OTOGL: variants seen among roughly 807,000 people sequenced by gnomAD.
The protein encoded by OTOGL is otogelin like, also known as otogelin-like protein.
A neutral mutation model predicts 318.5 loss-of-function variants in OTOGL; 285 were observed. That is an observed-to-expected ratio of 0.89 (90% confidence interval 0.81 to 0.99). The LOEUF is 0.99. OTOGL is among the 50% of genes least tolerant of loss of function. OTOGL has a pLI of 0.00. For synonymous variants in OTOGL, 987 were observed against 936.5 expected (o/e 1.05, Z -0.99); for missense variants, 2,899 against 2,845.6 (o/e 1.02, Z -0.43).
At chr12:80,250,465 A>C (rs1403259258) in intron 11 of OTOGL, among the ~76,000 whole-genome samples, 1 of 152,044 alleles carries the variant, frequency 6.6e-6, no homozygotes, top group African/African-American at 2.4e-5. Context: ...TTTTAAAACC[A>C]CCGTTAATGT....
intron 57 of OTOGL, among the ~76,000 whole-genome samples, 153 bp downstream of exon 57, chr12:80,372,217 A>G (rs1225361911): frequency 1.3e-5 from 2 of 152,122 alleles, no homozygotes; most frequent in Non-Finnish European, 2.9e-5. Flanking sequence ...TTTGTATCAT[A>G]TGGTTAATAA....
At chr12:80,105,309 G>T (rs1869392856) in intron 1 of OTOGL, among the ~76,000 whole-genome samples, 2 of 152,132 alleles carry the variant, frequency 1.3e-5, no homozygotes, top group African/African-American at 4.8e-5. Context: ...ATTATAAAAT[G>T]GTATGGGTAG....
rs188108260 is a variant in OTOGL, at chr12:80,312,182, A to G, written c.3451-1294A>G. 5.5e-3 allele frequency among the ~76,000 whole-genome samples: 830 copies of G among 152,190 alleles called. 15 individuals are homozygous for G. The highest frequency in any genetic ancestry group is 4.8e-3 in the Non-Finnish European group (324 of 68,006). ...AATTACCTGAAAAAGATATTAAAGT[A>G]CTCCTTCCTTTCCAACTAAATATAT... On this transcript the variant is annotated intron_variant, in intron 30 of 58. Transcript: ENST00000547103.
chr12:80,348,974 T>C (rs1262759330), intron 44 of OTOGL, among the ~76,000 whole-genome samples: 2 of 152,210 alleles, frequency 1.3e-5, no homozygotes, highest in African/African-American at 2.4e-5. Flanking sequence ...TTTATTCTTA[T>C]GCATAGTACA....
At position 80,336,498 on chromosome 12, in the gene OTOGL, A is replaced by C; in HGVS notation, c.4686A>C (p.Leu1562Phe). The C allele has an allele frequency of 6.2e-7, 1 of 1,608,778 alleles. No individual in the cohort carries two copies. The highest frequency in any genetic ancestry group is 8.5e-7 in the Non-Finnish European group (1 of 1,175,648). The change falls in exon 40 of 59, where the codon TTA (leucine) becomes TTC (phenylalanine). Residue 1562 changes from leucine (L) to phenylalanine (F), a missense_variant. Leu to Phe is a conservative substitution (Grantham distance 22, BLOSUM62 0). Around this residue, in one of 3 missense-constraint regions of OTOGL, gnomAD observed 2,607 missense variants for 2,524.9 expected, o/e 1.03. Coordinates refer to ENST00000547103, the MANE Select transcript of OTOGL (RefSeq NM_001378609.3). ...AALYSMASYI[L>F]VRIPGEIIVA... ...TATATAGCATGGCTTCTTATATCTT[A>C]GTAAGAATTCCTGGTGAAATTATAG...
intron 52 of OTOGL, among the ~76,000 whole-genome samples, chr12:80,359,994 T>G (rs1056428706): frequency 6.6e-6 from 1 of 152,222 alleles, no homozygotes; most frequent in South Asian, 2.1e-4. Flanking sequence ...TTGCTTTTTG[T>G]GTGTGTATGT....
At chr12:80,129,267 G>T (rs973132393) in intron 1 of OTOGL, among the ~76,000 whole-genome samples, 1 of 152,156 alleles carries the variant, frequency 6.6e-6, no homozygotes, top group Non-Finnish European at 1.5e-5. Context: ...ATTAAAAACC[G>T]TTTTCTCTGT....
chr12:80,270,247 A>C, intron 23 of OTOGL, 93 bp downstream of exon 23: 1 of 1,022,878 alleles, frequency 9.8e-7, no homozygotes, highest in Non-Finnish European at 1.5e-6. Context: ...CTTCTTCCCA[A>C]TGTGCATGGC....
intron 38 of OTOGL, among the ~76,000 whole-genome samples, chr12:80,335,432 A>T (rs996854043): frequency 6.6e-6 from 1 of 152,096 alleles, no homozygotes; most frequent in African/African-American, 2.4e-5. Context: ...AATTTTGAAA[A>T]ATCTACCACT....
At position 80,341,975 on chromosome 12, in the gene OTOGL, A is replaced by C. The variant is rs1331658737; in HGVS notation, c.5078A>C (p.Asp1693Ala). 1 of 1,607,490 alleles carries C rather than the reference A, an allele frequency of 6.2e-7. No individual in the cohort carries two copies. The highest frequency in any genetic ancestry group is 1.7e-5 in the Admixed American group (1 of 59,520). Residue 1693 changes from aspartate (D) to alanine (A), a missense_variant, in exon 44 of 59, where the codon GAT becomes GCT. Asp to Ala is a moderately radical substitution (Grantham distance 126, BLOSUM62 -2). Coordinates refer to ENST00000547103, the MANE Select transcript of OTOGL (RefSeq NM_001378609.3). ...CGICNEDPDD[D>A]LRMQNGTIIT... ...ATTTGCAATGAAGATCCGGATGATG[A>C]TCTAAGGATGCAAAATGGCACAATT... is the stretch of plus-strand genomic sequence containing the variant.
chr12:80,157,172 G>A (rs901543466), intron 1 of OTOGL, among the ~76,000 whole-genome samples: 9 of 151,960 alleles, frequency 5.9e-5, no homozygotes, highest in African/African-American at 1.7e-4. Flanking sequence ...GTTTTGATTT[G>A]CATTCCTCTG....
At chr12:80,218,898 G>C (rs554372276) in intron 5 of OTOGL, among the ~76,000 whole-genome samples, 1 of 148,206 alleles carries the variant, frequency 6.7e-6, no homozygotes, top group African/African-American at 2.5e-5. Flanking sequence ...GGATTCAAGC[G>C]ATTCTCCTGC....
intron 29 of OTOGL, among the ~76,000 whole-genome samples, chr12:80,308,040 CG>C (rs1202830042): frequency 1.5e-5 from 2 of 137,052 alleles, no homozygotes; most frequent in Non-Finnish European, 1.6e-5. Flanking sequence ...GCTGGCCGCG[CG>C]GGGGGCTGAT....
At chr12:80,139,990 A>G (rs1213241662) in intron 1 of OTOGL, among the ~76,000 whole-genome samples, 1 of 152,150 alleles carries the variant, frequency 6.6e-6, no homozygotes, top group Non-Finnish European at 1.5e-5. Context: ...CATGTTAAAG[A>G]CATCATCATT....
At position 80,355,719 on chromosome 12, in the gene OTOGL, C is replaced by T. The variant is rs1889846706; in HGVS notation, c.5594-17C>T. 1 of 1,599,504 alleles carries T rather than the reference C, an allele frequency of 6.3e-7. No individual in the cohort carries two copies. The highest frequency in any genetic ancestry group is 8.5e-7 in the Non-Finnish European group (1 of 1,170,532). ...TGCCCAGGTTTTGAGTGTTATAATA[C>T]TGTTGATCTTTTTAAGCATGCACTG... On this transcript the variant is annotated splice_polypyrimidine_tract_variant and intron_variant, in intron 46 of 58. Transcript: ENST00000547103.
At chr12:80,224,985 A>G (rs1050371212) in intron 7 of OTOGL, among the ~76,000 whole-genome samples, 2 of 152,032 alleles carry the variant, frequency 1.3e-5, no homozygotes, top group Admixed American at 6.6e-5. Flanking sequence ...TTGCATGCCT[A>G]TATCAAAACA....
chr12:80,237,068 G>A (rs540411076), intron 9 of OTOGL, among the ~76,000 whole-genome samples: 1 of 152,176 alleles, frequency 6.6e-6, no homozygotes, highest in East Asian at 1.9e-4. Context: ...ACCCACCTCA[G>A]CCTCCCAGAG....
intron 1 of OTOGL, among the ~76,000 whole-genome samples, chr12:80,150,107 CA>C (rs1469934875): frequency 6.6e-6 from 1 of 151,990 alleles, no homozygotes; most frequent in South Asian, 2.1e-4. Context: ...TGGTGCAAAC[CA>C]AAAAAATGAA....
chr12:80,241,831 T>C (rs1263774234), intron 11 of OTOGL, among the ~76,000 whole-genome samples: 1 of 152,186 alleles, frequency 6.6e-6, no homozygotes, highest in Non-Finnish European at 1.5e-5. Context: ...AGTTTTCCAG[T>C]GACTGAATGA....
Sources: gnomAD v4.1 joint callset for allele counts (sites outside exome capture counted in the v4.1 genomes callset) on GRCh38, gnomAD v4.1.1 for gene constraint, gnomAD v4.1.1 regional missense constraint, MANE v1.5 for transcripts, NCBI Gene and HGNC (gene_info 2026-07-23, HGNC 2026-07-21) for gene names.